Variants in ARSG observed in about 807,000 individuals in gnomAD.
ARSG encodes the protein arylsulfatase G.
Under a neutral mutation model 50.5 loss-of-function variants are expected in ARSG, and 37 were observed. The ratio of observed to expected loss-of-function variants is 0.73; its 90% CI spans 0.56 to 0.96. ARSG has a LOEUF of 0.96. Among genes scored for constraint, ARSG ranks in the 50% least tolerant of loss-of-function variants. The pLI is 0.00. For missense variants in ARSG, 629 were observed against 675.3 expected (o/e 0.93, Z 0.76); for synonymous variants, 225 against 254.6 (o/e 0.88, Z 1.11).
intron 2 of ARSG, among the ~76,000 whole-genome samples, chr17:68,314,984 C>T (rs937357090): frequency 7.9e-5 from 12 of 152,200 alleles, no homozygotes; most frequent in African/African-American, 2.9e-4. Flanking sequence ...ACAGCTGCAA[C>T]AATCACTAAC....
the ARSG span, chr17:68,444,710 A>G: frequency 1.4e-6 from 1 of 723,080 alleles, no homozygotes; most frequent in Non-Finnish European, 2.2e-6. Context: ...CAGAATTTTG[A>G]TGATGCATTT....
At chr17:68,352,273 C>T (rs1485315948) in intron 5 of ARSG, among the ~76,000 whole-genome samples, 2 of 150,654 alleles carry the variant, frequency 1.3e-5, no homozygotes, top group South Asian at 2.1e-4. Flanking sequence ...GAATGCCAAA[C>T]AGGCACCAAA....
intron 2 of ARSG, among the ~76,000 whole-genome samples, chr17:68,312,168 T>G (rs1031054626): frequency 1.3e-5 from 2 of 152,090 alleles, no homozygotes; most frequent in Admixed American, 1.3e-4. Flanking sequence ...CTTACACACC[T>G]CCCTCCTAGC....
chr17:68,419,539 T>C (rs1357775639), intron 11 of ARSG, among the ~76,000 whole-genome samples: 2 of 152,156 alleles, frequency 1.3e-5, no homozygotes, highest in Non-Finnish European at 2.9e-5. Flanking sequence ...ATTGTGCCAT[T>C]GCACTCCAGC....
At chr17:68,441,241 C>G in the ARSG span, 2 of 152,204 alleles carry the variant, frequency 1.3e-5, no homozygotes, top group African/African-American at 4.8e-5. Context: ...AGGAAACAGC[C>G]TGCAATCTCT....
intron 1 of ARSG, chr17:68,268,741 G>C (rs1367126986): frequency 4.6e-6 from 1 of 216,798 alleles, no homozygotes; most frequent in Non-Finnish European, 9.3e-6. Context: ...TATCCCACGT[G>C]AAAGCTTTTA....
At chr17:68,414,677 T>G (rs1157930656) in intron 11 of ARSG, among the ~76,000 whole-genome samples, 12 of 152,286 alleles carry the variant, frequency 7.9e-5, no homozygotes, top group South Asian at 6.2e-4. Flanking sequence ...GTTGTTGTTG[T>G]TGGTAATTTA....
chr17:68,294,025 C>T (rs556721397), intron 1 of ARSG, among the ~76,000 whole-genome samples: 1 of 152,306 alleles, frequency 6.6e-6, no homozygotes, highest in East Asian at 1.9e-4. Flanking sequence ...CCAAACAAAA[C>T]TAACTCTGTT....
chr17:68,306,499 T>A lies in ARSG; in HGVS notation c.-551-444T>A, dbSNP rs182033242. Among the ~76,000 whole-genome samples the A allele has an allele frequency of 7.2e-5, 11 of 152,350 alleles. No individual in the cohort carries two copies. In the East Asian group the frequency reaches 2.1e-3, roughly 29 times the overall value. On this transcript the variant is annotated intron_variant, in intron 1 of 11. Coordinates refer to ENST00000621439, the MANE Select transcript of ARSG (RefSeq NM_001267727.2). ...TTGAGCCAGGAGTTCAAGACTGGCC[T>A]AGGCAACGTAGCAGGACCCTATCTC...
intron 1 of ARSG, among the ~76,000 whole-genome samples, chr17:68,294,311 T>G (rs563053282): frequency 2.0e-5 from 3 of 152,336 alleles, no homozygotes; most frequent in African/African-American, 7.2e-5. Context: ...ATAGGGTCAT[T>G]TGCATGAGAA....
At chr17:68,331,237 C>CTTTCTTTCTTTCTTG in intron 2 of ARSG, among the ~76,000 whole-genome samples, 1 of 72,858 alleles carries the variant, frequency 1.4e-5, no homozygotes, top group East Asian at 3.5e-4. Flanking sequence ...TTCTTTGTTT[C>CTTTCTTTCTTTCTTG]TTTCTTTCTT....
At chr17:68,269,213 A>C in intron 1 of ARSG, 1 of 1,562,894 alleles carries the variant, frequency 6.4e-7, no homozygotes, top group South Asian at 1.2e-5. Context: ...CCTTTGTTTC[A>C]CCTGAGTGAT....
the ARSG span, among the ~76,000 whole-genome samples, chr17:68,439,592 C>A: frequency 1.3e-5 from 2 of 152,162 alleles, no homozygotes; most frequent in East Asian, 3.8e-4. Flanking sequence ...GCTATTGAAC[C>A]ATGCATTTTA....
At position 68,260,208 on chromosome 17, in the gene ARSG, G is replaced by A. The variant is rs574153377; in HGVS notation, c.-552+782G>A. On this transcript the variant is annotated intron_variant, in intron 1 of 11. Transcript: ENST00000448504. ...ATGAGGACACAAGCCTGCAGCAGCC[G>A]AGTAAACTTGCTTGTTGTTTAACCA... Among the ~76,000 whole-genome samples, 8 of 152,302 alleles carry A rather than the reference G, an allele frequency of 5.3e-5. No individual in the cohort carries two copies. The South Asian group carries it at 6.2e-4, about 12-fold the overall frequency.
At chr17:68,283,397 T>C (rs1466590945) in intron 1 of ARSG, among the ~76,000 whole-genome samples, 5 of 152,060 alleles carry the variant, frequency 3.3e-5, no homozygotes, top group Admixed American at 3.3e-4. Context: ...GGCGGGCGCC[T>C]GTAGTCCCAG....
chr17:68,355,239 T>C (rs1317380399), intron 5 of ARSG, among the ~76,000 whole-genome samples: 1 of 152,228 alleles, frequency 6.6e-6, no homozygotes, highest in Non-Finnish European at 1.5e-5. Context: ...GATAAGGAGA[T>C]AACTCTGGGA....
chr17:68,334,261 A>G (rs1282084243), intron 2 of ARSG, among the ~76,000 whole-genome samples: 1 of 152,142 alleles, frequency 6.6e-6, no homozygotes, highest in African/African-American at 2.4e-5. Flanking sequence ...GATGATGTCC[A>G]TTGCTGTTTG....
At chr17:68,423,512 A>C (rs1333808145), downstream of ARSG, among the ~76,000 whole-genome samples, 1 of 152,204 alleles carries the variant, frequency 6.6e-6, no homozygotes, top group Admixed American at 6.5e-5. The surrounding 1 kb of genome is among the most constrained non-coding windows in gnomAD (Gnocchi z 4.4). Flanking sequence ...CAAGGGTCTA[A>C]CACCTGTTCT....
At chr17:68,337,513 G>A (rs901208198) in intron 2 of ARSG, among the ~76,000 whole-genome samples, 4 of 152,180 alleles carry the variant, frequency 2.6e-5, no homozygotes, top group African/African-American at 2.4e-5. Context: ...CCTGGAAGGC[G>A]AAGGAGGAAG....
Sources: allele counts gnomAD v4.1 joint callset (sites outside exome capture counted in the v4.1 genomes callset), GRCh38; gene constraint gnomAD v4.1.1; non-coding constraint Gnocchi (gnomAD v3.1); transcripts MANE v1.5; gene names NCBI Gene and HGNC (gene_info 2026-07-23, HGNC 2026-07-21).